The following SNX29 variants were observed in gnomAD, a reference collection of about 807,000 sequenced individuals.
SNX29 encodes sorting nexin 29.
A neutral mutation model predicts 102.1 loss-of-function variants in SNX29; 78 were observed. The observed-to-expected ratio is 0.76, with a 90% CI of 0.64 to 0.92. SNX29 has a LOEUF of 0.92. Ranked by LOEUF, SNX29 falls within the 40% of genes least tolerant of loss-of-function variation. The probability of loss-of-function intolerance (pLI) is 0.00; values close to 1 mark genes in which losing one functional copy is unlikely to be tolerated. For missense variants in SNX29, 1,280 were observed against 1,061.7 expected, an observed-to-expected ratio of 1.21 and a Z score of -2.86; for synonymous variants, 580 against 414.5, an observed-to-expected ratio of 1.40 and a Z score of -4.85.
chr16:12,069,057 A>G lies in SNX29; in HGVS notation c.1244A>G (p.Asp415Gly), dbSNP rs1219579693. The G allele has an allele frequency of 9.3e-6, 15 of 1,613,892 alleles. No individual in the cohort carries two copies. The highest frequency in any genetic ancestry group is 1.3e-5 in the Non-Finnish European group (15 of 1,179,830). The change falls in exon 10 of 21, where the codon GAT becomes GGT. Residue 415 changes from aspartate to glycine, a missense_variant and splice_region_variant. Asp to Gly is a moderately conservative substitution (Grantham distance 94, BLOSUM62 -1). Transcript: ENST00000566228. ...TTCTGTGATTGCTCTCTCTGCACAG[A>G]TGCCCCCCTCGGAAGCCTGGAGAAC... The part of the protein sequence containing the change: ...VSGVGSYSPA[D>G]APLGSLENGT...
chr16:12,094,501 C>A (rs1216338112), intron 11 of SNX29, among the ~76,000 whole-genome samples: 1 of 152,088 alleles, frequency 6.6e-6, no homozygotes, highest in African/African-American at 2.4e-5. Context: ...GTATCTACCC[C>A]TCAATCCTCC....
Position 12,562,821 on chromosome 16 carries a change from A to C in SNX29, c.2319-5685A>C, listed in dbSNP as rs115547041. Among the ~76,000 whole-genome samples, 92 of 152,018 alleles carry C rather than the reference A, an allele frequency of 6.1e-4. 1 individual carries two copies. Among genetic ancestry groups the C allele is most frequent in the African/African-American group, 2.1e-3 (87 of 41,468 alleles). On this transcript the variant is annotated intron_variant, in intron 20 of 20. Coordinates refer to ENST00000566228, the MANE Select transcript of SNX29 (RefSeq NM_032167.5). ...TGTGGAACAACTCCTTTCCCCCCAA[A>C]TTTCCTAGCATTCCCCTATAGGCAA...
intron 20 of SNX29, among the ~76,000 whole-genome samples, chr16:12,540,011 C>G (rs138193975): frequency 6.6e-6 from 1 of 152,190 alleles, no homozygotes; most frequent in Non-Finnish European, 1.5e-5. Context: ...GTGTCTTTTG[C>G]ATGACACCTT....
intron 18 of SNX29, among the ~76,000 whole-genome samples, chr16:12,425,824 G>T (rs2085054264): frequency 6.6e-6 from 1 of 152,060 alleles, no homozygotes; most frequent in Non-Finnish European, 1.5e-5. Context: ...AGAGCTACAT[G>T]TTTTTTCATG....
intron 9 of SNX29, among the ~76,000 whole-genome samples, chr16:12,063,276 C>G (rs1333729085): frequency 6.6e-6 from 1 of 150,660 alleles, no homozygotes; most frequent in Admixed American, 6.6e-5. Context: ...AGGGGGCTTT[C>G]CTGACTTGGT....
chr16:12,442,878 C>A lies in SNX29; in HGVS notation c.2038-34841C>A, dbSNP rs146466798. ...CAAGTCCTGGGATTTTAGGTGTCAGCCACCATACCTGGCTGTGTTCAAAAA... is the reference window on the plus strand; with the variant it reads ...CAAGTCCTGGGATTTTAGGTGTCAGACACCATACCTGGCTGTGTTCAAAAA... On this transcript the variant is annotated intron_variant, in intron 18 of 20. Transcript: ENST00000566228. 6.3e-3 allele frequency: 2,434 copies of A among 383,858 alleles called. 16 individuals carry two copies. The highest frequency in any genetic ancestry group is 8.6e-3 in the Non-Finnish European group (1,666 of 193,426). 23.8% of individuals were successfully genotyped at this position (383,858 alleles called of 1,614,324 possible).
At chr16:12,047,055 C>T (rs762049863) in intron 6 of SNX29, among the ~76,000 whole-genome samples, 1 of 152,222 alleles carries the variant, frequency 6.6e-6, no homozygotes, top group African/African-American at 2.4e-5. Context: ...TGAATCCTGG[C>T]TTTACCCCTT....
chr16:12,554,577 C>T (rs76323542), intron 20 of SNX29, among the ~76,000 whole-genome samples: 5 of 152,190 alleles, frequency 3.3e-5, no homozygotes, highest in African/African-American at 4.8e-5. Flanking sequence ...AAAGCTGACA[C>T]CAAGACTTGG....
At position 12,571,731 on chromosome 16, in the gene SNX29, T is replaced by C. The variant is rs966920982; in HGVS notation, c.*3102T>C. On this transcript the variant is annotated 3_prime_UTR_variant, in exon 21 of 21. Transcript: ENST00000566228. ...CTAAGGGAGGGAGCTTAAAGGCTGC[T>C]AGAAACCTAGCCCAACCATCCACTC... 13 of 1,043,008 alleles carry C rather than the reference T, an allele frequency of 1.2e-5. No individual in the cohort carries two copies. In the South Asian group the frequency reaches 6.0e-4, roughly 48 times the overall value. 64.6% of individuals were successfully genotyped at this position (1,043,008 alleles called of 1,614,324 possible).
intron 15 of SNX29, among the ~76,000 whole-genome samples, chr16:12,320,283 C>T (rs1371622861): frequency 6.6e-6 from 1 of 152,118 alleles, no homozygotes; most frequent in Non-Finnish European, 1.5e-5. Flanking sequence ...AGGGCACAGC[C>T]TGTGCACCAG....
chr16:11,986,679 A>G (rs1285589152), intron 1 of SNX29, among the ~76,000 whole-genome samples: 1 of 152,166 alleles, frequency 6.6e-6, no homozygotes, highest in African/African-American at 2.4e-5. Flanking sequence ...TCCCATTGCA[A>G]AAGACAGTCA....
intron 20 of SNX29, chr16:12,561,182 GCT>G (rs2078704356): frequency 4.3e-6 from 1 of 230,354 alleles, no homozygotes; most frequent in Non-Finnish European, 8.6e-6. Context: ...AGCCTGGCAT[GCT>G]CTGATACTGC....
chr16:12,530,457 C>A (rs1215098871), intron 20 of SNX29, among the ~76,000 whole-genome samples: 4 of 152,156 alleles, frequency 2.6e-5, no homozygotes, highest in Non-Finnish European at 5.9e-5. Flanking sequence ...CTTGCACTCA[C>A]TGTCAAGTCT....
At chr16:12,090,410 T>G (rs1167728171) in intron 11 of SNX29, 2 of 152,234 alleles carry the variant, frequency 1.3e-5, no homozygotes, top group Non-Finnish European at 2.9e-5. Flanking sequence ...GGGGTAAATG[T>G]TCCGTGCCGC....
chr16:12,524,189 A>G (rs1567652704), intron 19 of SNX29, among the ~76,000 whole-genome samples: 1 of 152,160 alleles, frequency 6.6e-6, no homozygotes, highest in Non-Finnish European at 1.5e-5. Context: ...GAAATTGTTT[A>G]TTAATAAAAC....
rs35098603 is a variant in SNX29, at chr16:12,418,522, C to CTTTT, written c.2037+15000_2037+15003dup. Among the ~76,000 whole-genome samples, 1,443 of 148,402 alleles carry CTTTT rather than the reference C, an allele frequency of 9.7e-3. 31 individuals carry two copies. The highest frequency in any genetic ancestry group is 0.034 in the African/African-American group (1,371 of 40,268). ...CTTCTGTGTTTCTGGGTTTTCTTTTCTTTTTTTTTTGAGATGGAGTCTCAC... is the reference window on the plus strand; with the variant it reads ...CTTCTGTGTTTCTGGGTTTTCTTTTCTTTTTTTTTTTTTTGAGATGGAGTCTCAC... On this transcript the variant is annotated intron_variant, in intron 18 of 20. Coordinates refer to ENST00000566228, the MANE Select transcript of SNX29 (RefSeq NM_032167.5).
intron 14 of SNX29, among the ~76,000 whole-genome samples, chr16:12,217,663 C>G (rs571263005): frequency 5.3e-5 from 8 of 152,130 alleles, no homozygotes; most frequent in Non-Finnish European, 1.2e-4. Flanking sequence ...GCTTATTTCC[C>G]CTGTAAATCT....
intron 11 of SNX29, chr16:12,087,910 G>C (rs1376125257): frequency 4.4e-6 from 2 of 456,656 alleles, no homozygotes; most frequent in Non-Finnish European, 8.8e-6. Flanking sequence ...CCTGCTGGTG[G>C]AGCTGCTGCC....
chr16:12,290,215 G>A (rs1397590453), intron 15 of SNX29, among the ~76,000 whole-genome samples: 1 of 152,080 alleles, frequency 6.6e-6, no homozygotes, highest in East Asian at 1.9e-4. Flanking sequence ...CTATACTCTT[G>A]CCTTCCTCTT....
Sources: allele counts gnomAD v4.1 joint callset (sites outside exome capture counted in the v4.1 genomes callset), GRCh38; gene constraint gnomAD v4.1.1; transcripts MANE v1.5; gene names NCBI Gene and HGNC (gene_info 2026-07-23, HGNC 2026-07-21).